Variants in TAF1C observed in about 807,000 individuals in gnomAD.
The protein encoded by TAF1C is TATA-box binding protein associated factor, RNA polymerase I subunit C, also known as TATA box-binding protein-associated factor RNA polymerase I subunit C.
TAF1C carries 79 observed loss-of-function variants against 70.5 expected under a neutral mutation model. That is an observed-to-expected ratio of 1.12 (90% CI 0.93 to 1.35). The LOEUF (loss-of-function observed/expected upper bound fraction) is 1.35, where lower values mean the gene tolerates loss of function less well. Ranked by LOEUF, TAF1C falls within the 40% of genes most tolerant of loss-of-function variation. The probability of loss-of-function intolerance (pLI) is 0.00; values close to 1 mark genes in which losing one functional copy is unlikely to be tolerated. For synonymous variants in TAF1C, 614 were observed against 491.1 expected (o/e 1.25, Z -3.31); for missense variants, 1,412 against 1,127.8 (o/e 1.25, Z -3.61).
In TAF1C at chr16:84,178,365, C is replaced by T. The variant is rs1013047515; in HGVS notation, c.*576G>A. ...GCGGGACGCTGTCCAGCCTAAAAAA[C>T]GTGACCATTCCAATTCATCTTCAGC... On this transcript the variant is annotated 3_prime_UTR_variant, in exon 15 of 15. Transcript: ENST00000566732. 3.1e-5 allele frequency: 14 copies of T among 456,776 alleles called. No individual in the cohort carries two copies. The highest frequency in any genetic ancestry group is 6.0e-5 in the African/African-American group (3 of 50,098). 28.3% of individuals were successfully genotyped at this position (456,776 alleles called of 1,614,324 possible).
chr16:84,185,079 A>C lies in TAF1C; in HGVS notation c.-72-19T>G. ...AGAGTTCCTGAGGAGTGAAAAGTGC[A>C]CTACGGGAAGCATATGTTCTTTGAG... On this transcript the variant is annotated intron_variant, in intron 1 of 14. Coordinates refer to ENST00000566732, the MANE Select transcript of TAF1C (RefSeq NM_001243156.2). 6.2e-6 allele frequency: 9 copies of C among 1,459,484 alleles called. No homozygotes were observed. In the South Asian group the frequency reaches 1.2e-4, roughly 20 times the overall value. The allele number at this position is 1,459,484 out of a possible 1,614,324, so 90.4% of individuals were successfully genotyped here.
chr16:84,178,683 G>A lies in TAF1C; in HGVS notation c.*258C>T. On this transcript the variant is annotated 3_prime_UTR_variant, in exon 15 of 15. Transcript: ENST00000566732. ...CCTCCCAGCACAGACTAAAATCCCAGCAACACAGGCCCACCGGCACCTCCA... is the reference window on the plus strand; with the variant it reads ...CCTCCCAGCACAGACTAAAATCCCAACAACACAGGCCCACCGGCACCTCCA... 1.9e-6 allele frequency: 1 copy of A among 537,406 alleles called. No individual in the cohort carries two copies. Among genetic ancestry groups the A allele is most frequent in the South Asian group, 2.1e-5 (1 of 47,090 alleles). 33.3% of individuals were successfully genotyped at this position (537,406 alleles called of 1,614,324 possible). A position where few individuals can be genotyped will look rare whatever the true frequency, so the allele number is the denominator to read the frequency against.
Position 84,177,888 on chromosome 16 carries a change from C to A in TAF1C, c.*1053G>T. On this transcript the variant is annotated 3_prime_UTR_variant, in exon 15 of 15. Coordinates refer to ENST00000566732, the MANE Select transcript of TAF1C (RefSeq NM_001243156.2). The stretch of plus-strand genomic sequence containing the variant: ...ATAAATGGTTTAATCATAAATGTCT[C>A]CCTTAGGCATGATAAACATTTTAAC... The A allele has an allele frequency of 2.7e-6, 4 of 1,482,576 alleles. No individual in the cohort carries two copies. Among genetic ancestry groups the A allele is most frequent in the Non-Finnish European group, 3.8e-6 (4 of 1,060,526 alleles). The allele number at this position is 1,482,576 out of a possible 1,614,324, so 91.8% of individuals were successfully genotyped here.
chr16:84,183,649 G>T (rs747768863), intron 3 of TAF1C, 48 bp downstream of exon 3: 28 of 1,574,992 alleles, frequency 1.8e-5, no homozygotes, highest in Non-Finnish European at 2.3e-5. Context: ...GCAGTGGGAA[G>T]AATAGGTGGA....
rs200337409 is a variant in TAF1C, at chr16:84,182,488, A to T, written c.483-48T>A. On this transcript the variant is annotated intron_variant, in intron 6 of 14. Transcript: ENST00000566732. The surrounding 1 kb of genome is among the most constrained non-coding windows in gnomAD (Gnocchi z 5.0). ...AGGATCACTCGGTGGCACTCAGGGG[A>T]GGACAGGTCCCATCCCAAGGAGGCC... The T allele has an allele frequency of 1.3e-6, 2 of 1,541,644 alleles. No homozygotes were observed. The highest frequency in any genetic ancestry group is 1.8e-6 in the Non-Finnish European group (2 of 1,142,096).
chr16:84,181,556 C>T lies in TAF1C; in HGVS notation c.1028+36G>A, dbSNP rs148826138. 43 of 1,613,802 alleles carry T rather than the reference C, an allele frequency of 2.7e-5. No individual in the cohort carries two copies. The African/African-American group carries it at 4.8e-4, about 18-fold the overall frequency. ...ATGCTCAACAGGGCGGAGTTCAGTT[C>T]GTTAGGGTGGGGGGTTTCACAGGAA... is the stretch of plus-strand genomic sequence containing the variant. On this transcript the variant is annotated intron_variant, in intron 10 of 14. Transcript: ENST00000566732.
In TAF1C at chr16:84,180,304, G is replaced by C. The variant is rs1212731279; in HGVS notation, c.1349C>G (p.Pro450Arg). ...GAGGCCATGGTTCCACTTCAGCATCGGCACCAGGGGAAGGCGCTCGTCCAC... is the reference window on the plus strand; with the variant it reads ...GAGGCCATGGTTCCACTTCAGCATCCGCACCAGGGGAAGGCGCTCGTCCAC... Reference protein sequence around the residue: ...YLVDERLPLVPMLKWNHGLPS... With the variant: ...YLVDERLPLVRMLKWNHGLPS... The change falls in exon 13 of 15, where the codon CCG (proline) becomes CGG (arginine). Residue 450 changes from proline (P) to arginine (R), a missense_variant. Transcript: ENST00000566732. 6.5e-7 allele frequency: 1 copy of C among 1,548,220 alleles called. No homozygotes were observed.
intron 13 of TAF1C, 39 bp from the exon 14 acceptor site, chr16:84,180,122 C>A: frequency 7.0e-6 from 11 of 1,565,162 alleles, no homozygotes; most frequent in Non-Finnish European, 9.5e-6. Context: ...GTCCAGGCCC[C>A]GACCGCCCCA....
Position 84,180,193 on chromosome 16 carries a change from TGCCCACCCTGGCCTCCGAGGAGCA to T in TAF1C, c.1436_1459del (p.Leu479_Gly486del). On this transcript the variant is annotated inframe_deletion, in exon 13 of 15. Coordinates refer to ENST00000566732, the MANE Select transcript of TAF1C (RefSeq NM_001243156.2). ...ACCTGCCAGGTGCAGCAGCTGCAGC[TGCCCACCCTGGCCTCCGAGGAGCA>T]GGGGCTGCACGCAGCTGGGCCGGGG... is the stretch of plus-strand genomic sequence containing the variant. The T allele has an allele frequency of 6.5e-7, 1 of 1,543,646 alleles. No individual in the cohort carries two copies. Among genetic ancestry groups the T allele is most frequent in the Non-Finnish European group, 8.7e-7 (1 of 1,153,276 alleles).
intron 12 of TAF1C, 137 bp from the exon 13 acceptor site, chr16:84,180,481 CCT>C: frequency 2.2e-6 from 2 of 910,170 alleles, no homozygotes; most frequent in Non-Finnish European, 1.6e-6. Flanking sequence ...CCTCCACGTG[CCT>C]CTCAGACTTC....
rs1161834288 is a variant in TAF1C, at chr16:84,178,900, G to A, written c.*41C>T. The A allele has an allele frequency of 4.6e-6, 7 of 1,527,826 alleles. No homozygotes were observed. Among genetic ancestry groups the A allele is most frequent in the Non-Finnish European group, 3.5e-6 (4 of 1,139,922 alleles). 94.6% of individuals were successfully genotyped at this position (1,527,826 alleles called of 1,614,324 possible). On this transcript the variant is annotated 3_prime_UTR_variant, in exon 15 of 15. Transcript: ENST00000566732. Reference sequence around the variant, plus strand: ...GCACATCTGGTCCCAGAGGAAGGATGAGGGGCTCTCTGGGGCTTGAGGGCA... The same window carrying A: ...GCACATCTGGTCCCAGAGGAAGGATAAGGGGCTCTCTGGGGCTTGAGGGCA...
At chr16:84,186,083 G>A (rs1315753354) in intron 1 of TAF1C, among the ~76,000 whole-genome samples, 2 of 152,158 alleles carry the variant, frequency 1.3e-5, no homozygotes, top group African/African-American at 4.8e-5. Context: ...CTCTTCTATC[G>A]CCGTCCCTGT....
In TAF1C at chr16:84,179,463, G is replaced by GTCT; in HGVS notation, c.2007_2009dup (p.Arg669_Asp670insGlu). The GTCT allele has an allele frequency of 5.0e-6, 8 of 1,597,972 alleles. No individual in the cohort carries two copies. Among genetic ancestry groups the GTCT allele is most frequent in the Non-Finnish European group, 6.8e-6 (8 of 1,176,710 alleles). On this transcript the variant is annotated inframe_insertion, in exon 15 of 15. Coordinates refer to ENST00000566732, the MANE Select transcript of TAF1C (RefSeq NM_001243156.2). ...GCTCTGCCGCAGGGAGGGAGCCCAG[G>GTCT]TCTCTCTGCAGCAGGAGCTGCCCTC...
rs533827110 is a variant in TAF1C at position 84,177,961 on chromosome 16, T to C, written c.*980A>G. On this transcript the variant is annotated 3_prime_UTR_variant, in exon 15 of 15. Transcript: ENST00000566732. The stretch of plus-strand genomic sequence containing the variant: ...TTGGGCTAGCTCCTGTTTGTGTGAG[T>C]CACATGCAATTCCTTTCACCAGCCA... 594 of 843,952 alleles carry C rather than the reference T, an allele frequency of 7.0e-4. No individual in the cohort carries two copies. Among genetic ancestry groups the C allele is most frequent in the Non-Finnish European group, 1.0e-3 (532 of 508,716 alleles). 52.3% of individuals were successfully genotyped at this position (843,952 alleles called of 1,614,324 possible).
Position 84,181,605 on chromosome 16 carries a change from T to A in TAF1C, c.1015A>T (p.Ser339Cys). The A allele has an allele frequency of 6.2e-7, 1 of 1,613,812 alleles. No individual in the cohort carries two copies. The highest frequency in any genetic ancestry group is 1.3e-5 in the African/African-American group (1 of 74,958). ...CSRSGAVCLWSPEDGLRQIYR... is the reference protein window; with the variant it reads ...CSRSGAVCLWCPEDGLRQIYR... ...AAGCGGCGATACCCATCCTCAGGGC[T>A]CCACAGGCAGACGGCTCCCGAGCGG... The change falls in exon 10 of 15, where the codon AGC (serine) becomes TGC (cysteine). Residue 339 changes from serine to cysteine, a missense_variant. Physicochemically the swap from Ser to Cys is moderately radical, Grantham distance 112. Coordinates refer to ENST00000566732, the MANE Select transcript of TAF1C (RefSeq NM_001243156.2).
chr16:84,178,146 A>C lies in TAF1C; in HGVS notation c.*795T>G. 5 of 388,870 alleles carry C rather than the reference A, an allele frequency of 1.3e-5. No homozygotes were observed. The highest frequency in any genetic ancestry group is 9.9e-6 in the Non-Finnish European group (2 of 201,404). The allele number at this position is 388,870 out of a possible 1,614,324, so 24.1% of individuals were successfully genotyped here. ...GGGACTTGATGCTTTAGACATCAAA[A>C]TGAGAAGGGGAGGGAGGAAAGAAAG... On this transcript the variant is annotated 3_prime_UTR_variant, in exon 15 of 15. Coordinates refer to ENST00000566732, the MANE Select transcript of TAF1C (RefSeq NM_001243156.2).
At chr16:84,184,781 G>C (rs2089390917) in intron 2 of TAF1C, 70 bp downstream of exon 2, 2 of 1,511,604 alleles carry the variant, frequency 1.3e-6, no homozygotes, top group South Asian at 2.5e-5. Context: ...CAACTGATGT[G>C]AATGTGAGAC....
At chr16:84,181,548 G>T (rs1279114690) in intron 10 of TAF1C, 44 bp downstream of exon 10, 8 of 1,613,788 alleles carry the variant, frequency 5.0e-6, no homozygotes, top group Non-Finnish European at 6.8e-6. Context: ...ACAGGGCGGA[G>T]TTCAGTTCGT....
At position 84,187,018 on chromosome 16, in the gene TAF1C, C is replaced by G. The variant is rs2089525623; in HGVS notation, c.-190G>C. 6.6e-6 allele frequency: 1 copy of G among 152,118 alleles called. No individual in the cohort carries two copies. The allele number at this position is 152,118 out of a possible 1,614,324, so 9.4% of individuals were successfully genotyped here. On this transcript the variant is annotated 5_prime_UTR_variant, in exon 1 of 15. Transcript: ENST00000566732. Reference sequence around the variant, plus strand: ...CCCAGCTTTGGCACTCGGGACGGGTCAGCCCCGCCGCAGCTACCCACGGTC... The same window carrying G: ...CCCAGCTTTGGCACTCGGGACGGGTGAGCCCCGCCGCAGCTACCCACGGTC...
Sources: gnomAD v4.1 joint callset for allele counts (sites outside exome capture counted in the v4.1 genomes callset) on GRCh38, gnomAD v4.1.1 for gene constraint, Gnocchi (gnomAD v3.1) non-coding constraint, MANE v1.5 for transcripts, NCBI Gene and HGNC (gene_info 2026-07-23, HGNC 2026-07-21) for gene names.